WWOX: variants seen among roughly 807,000 people sequenced by gnomAD.
The protein encoded by WWOX is WW domain containing oxidoreductase.
In WWOX, 69 loss-of-function variants were observed where a neutral mutation model predicts 46.2. The observed-to-expected ratio is 1.49, with a 90% CI of 1.23 to 1.82. The LOEUF is 1.82. Among genes scored for constraint, WWOX ranks in the 40% most tolerant of loss-of-function variants. The pLI, the probability that WWOX is intolerant of heterozygous loss-of-function variation, is 0.00. For synonymous variants in WWOX, 359 were observed against 202.6 expected (o/e 1.77, Z -6.56); for missense variants, 919 against 542.6 (o/e 1.69, Z -6.89).
intron 8 of WWOX, among the ~76,000 whole-genome samples, chr16:78,529,906 C>T (rs1228094264): frequency 6.6e-6 from 1 of 152,204 alleles, no homozygotes; most frequent in African/African-American, 2.4e-5. Flanking sequence ...TAAAGTTTTA[C>T]AAATCTCCTG....
intron 5 of WWOX, among the ~76,000 whole-genome samples, chr16:78,353,266 G>T (rs767141761): frequency 5.1e-4 from 77 of 152,270 alleles, no homozygotes; most frequent in South Asian, 1.7e-3. Flanking sequence ...AAGAGAAAAA[G>T]ACACAGATGA....
At chr16:78,730,648 C>T (rs2048947961) in intron 8 of WWOX, among the ~76,000 whole-genome samples, 1 of 133,578 alleles carries the variant, frequency 7.5e-6, no homozygotes, top group African/African-American at 2.9e-5. Context: ...TAAGTAGAGA[C>T]AGGGTCTTGC....
chr16:79,005,141 TG>T (rs2047166056), intron 8 of WWOX, among the ~76,000 whole-genome samples: 2 of 152,148 alleles, frequency 1.3e-5, no homozygotes, highest in Non-Finnish European at 2.9e-5. Context: ...GCTTTCTGTC[TG>T]GCCTTTCTCT....
chr16:78,533,431 A>C (rs8048195), intron 8 of WWOX, among the ~76,000 whole-genome samples: 13,810 of 151,784 alleles, frequency 0.091, 1,864 homozygotes, highest in African/African-American at 0.3. Flanking sequence ...AAAAATCCCC[A>C]AAAAATCTCA....
chr16:78,203,646 C>T (rs951499113), intron 5 of WWOX, among the ~76,000 whole-genome samples: 28 of 152,032 alleles, frequency 1.8e-4, no homozygotes, highest in African/African-American at 5.8e-4. Flanking sequence ...TTCTTGCGAC[C>T]ACAGGTAGGG....
chr16:78,418,809 C>A (rs2082859135), intron 6 of WWOX, among the ~76,000 whole-genome samples: 1 of 152,020 alleles, frequency 6.6e-6, no homozygotes, highest in Non-Finnish European at 1.5e-5. Context: ...CAATAAAGGG[C>A]ATCTGCAAAA....
intron 8 of WWOX, among the ~76,000 whole-genome samples, chr16:78,623,559 A>T (rs1193937020): frequency 6.6e-6 from 1 of 152,052 alleles, no homozygotes; most frequent in Non-Finnish European, 1.5e-5. Flanking sequence ...GCATGCTTGT[A>T]GTCCCAGCGA....
rs965372071 is a variant in WWOX, at chr16:79,137,891, G to T, written c.1057-73717G>T. ...ACAAACACAAGACCAAAGTTAGGGG[G>T]TGGGGGACTCCAGAAGTACAACATC... On this transcript the variant is annotated intron_variant, in intron 8 of 8. Transcript: ENST00000566780. Among the ~76,000 whole-genome samples the T allele has an allele frequency of 2.6e-5, 4 of 152,238 alleles. No homozygotes were observed. The South Asian group carries it at 8.3e-4, about 32-fold the overall frequency.
intron 8 of WWOX, among the ~76,000 whole-genome samples, chr16:79,008,581 A>G (rs765801119): frequency 4.6e-5 from 7 of 152,184 alleles, no homozygotes; most frequent in Admixed American, 3.9e-4. Context: ...CATTTCACAG[A>G]TGTTGAAACT....
rs563865608 is a variant in WWOX at position 79,183,219 on chromosome 16, C to T, written c.1057-28389C>T. Among the ~76,000 whole-genome samples the T allele has an allele frequency of 1.9e-3, 288 of 152,294 alleles. 1 individual carries two copies. Among genetic ancestry groups the T allele is most frequent in the African/African-American group, 6.3e-3 (263 of 41,550 alleles). On this transcript the variant is annotated intron_variant, in intron 8 of 8. Transcript: ENST00000566780. ...GCCTTGCCCACTGTCTGTGGCTGAC[C>T]AGCTAGACTCTTTTCCTTTTCTTGC...
At chr16:79,166,597 T>C (rs1193284628) in intron 8 of WWOX, among the ~76,000 whole-genome samples, 1 of 152,170 alleles carries the variant, frequency 6.6e-6, no homozygotes, top group East Asian at 1.9e-4. Context: ...GGTAGACTTA[T>C]TTTTCGAGTT....
At chr16:78,743,050 G>A (rs1003888985) in intron 8 of WWOX, among the ~76,000 whole-genome samples, 6 of 151,944 alleles carry the variant, frequency 3.9e-5, no homozygotes, top group African/African-American at 9.7e-5. Flanking sequence ...GGTGTCTGCC[G>A]TGCTCATGAA....
chr16:79,147,892 A>G lies in WWOX; in HGVS notation c.1057-63716A>G, dbSNP rs568514290. ...ATATATCCTCTTCGGTGAAATGTCT[A>G]TTAATGTTTTTTTCTCATTTTCTAT... On this transcript the variant is annotated intron_variant, in intron 8 of 8. Transcript: ENST00000566780. Among the ~76,000 whole-genome samples the G allele has an allele frequency of 3.3e-5, 5 of 152,220 alleles. No individual in the cohort carries two copies. The South Asian group carries it at 8.3e-4, about 25-fold the overall frequency.
intron 8 of WWOX, chr16:78,551,573 G>C (rs992891368): frequency 1.3e-5 from 2 of 152,184 alleles, no homozygotes; most frequent in Non-Finnish European, 2.9e-5. Flanking sequence ...CTGTCTGGTA[G>C]CTGTTTGCTC....
At chr16:79,092,813 G>A (rs964440405) in intron 8 of WWOX, among the ~76,000 whole-genome samples, 2 of 151,898 alleles carry the variant, frequency 1.3e-5, no homozygotes, top group African/African-American at 2.4e-5. Flanking sequence ...ATAAACCCTA[G>A]GCCATCCCGA....
intron 8 of WWOX, among the ~76,000 whole-genome samples, chr16:78,487,780 A>G (rs979243019): frequency 1.6e-4 from 25 of 152,144 alleles, no homozygotes; most frequent in Admixed American, 7.9e-4. Flanking sequence ...TTCCAGAGCT[A>G]CATTCTTAGC....
intron 8 of WWOX, among the ~76,000 whole-genome samples, chr16:78,736,448 A>G (rs538621804): frequency 6.6e-6 from 1 of 152,174 alleles, no homozygotes; most frequent in Non-Finnish European, 1.5e-5. Flanking sequence ...GCTTCTTCCC[A>G]AAGTCACCTT....
intron 8 of WWOX, among the ~76,000 whole-genome samples, chr16:78,854,737 C>A (rs1290286618): frequency 6.6e-6 from 1 of 151,952 alleles, no homozygotes; most frequent in African/African-American, 2.4e-5. Flanking sequence ...CATGCCACCA[C>A]TCCCAGCTAC....
intron 8 of WWOX, among the ~76,000 whole-genome samples, chr16:78,433,880 C>T (rs1026921990): frequency 1.4e-5 from 2 of 147,698 alleles, no homozygotes; most frequent in Non-Finnish European, 3.0e-5. Flanking sequence ...AGCTCCGCCT[C>T]CCGGGTTCAC....
Sources: allele counts gnomAD v4.1 joint callset (sites outside exome capture counted in the v4.1 genomes callset), GRCh38; gene constraint gnomAD v4.1.1; transcripts MANE v1.5; gene names NCBI Gene and HGNC (gene_info 2026-07-23, HGNC 2026-07-21).